Variants in C12orf42 observed in about 807,000 individuals in gnomAD.
C12orf42 encodes the protein uncharacterized protein C12orf42.
Under a neutral mutation model 21.6 loss-of-function variants are expected in C12orf42, and 25 were observed. The ratio of observed to expected loss-of-function variants is 1.16; its 90% CI spans 0.84 to 1.62. The LOEUF is 1.62. C12orf42 is among the 40% of genes most tolerant of loss of function. The pLI is 0.00. For missense variants in C12orf42, 483 were observed against 459.3 expected, an observed-to-expected ratio of 1.05 and a Z score of -0.47; for synonymous variants, 174 against 175.0, an observed-to-expected ratio of 0.99 and a Z score of 0.05.
chr12:103,136,848 G>T, the C12orf42 span, among the ~76,000 whole-genome samples: 1 of 152,098 alleles, frequency 6.6e-6, no homozygotes, highest in Non-Finnish European at 1.5e-5. Flanking sequence ...TGATAAAACT[G>T]AACCCCTATC....
intron 1 of C12orf42, among the ~76,000 whole-genome samples, chr12:103,490,763 C>T (rs139541623): frequency 6.5e-4 from 98 of 151,726 alleles, no homozygotes; most frequent in African/African-American, 2.2e-3. Context: ...AAGTATCTAT[C>T]TCTTTCTAAT....
chr12:103,460,028 AG>A (rs1268006580), intron 2 of C12orf42, among the ~76,000 whole-genome samples: 1 of 152,144 alleles, frequency 6.6e-6, no homozygotes, highest in Non-Finnish European at 1.5e-5. Context: ...CTTTCTGAAA[AG>A]TTCAGTCCAA....
At chr12:103,533,019 C>A in the C12orf42 span, among the ~76,000 whole-genome samples, 1 of 152,172 alleles carries the variant, frequency 6.6e-6, no homozygotes, top group Non-Finnish European at 1.5e-5. Flanking sequence ...ACGGTTCAGT[C>A]CTTGACAGAA....
At chr12:103,358,617 A>G (rs1307854198) in intron 4 of C12orf42, among the ~76,000 whole-genome samples, 3 of 151,546 alleles carry the variant, frequency 2.0e-5, no homozygotes, top group Non-Finnish European at 4.4e-5. Context: ...AAACCAAAAA[A>G]AAAAACAAAA....
At chr12:103,527,505 C>G in the C12orf42 span, among the ~76,000 whole-genome samples, 1 of 152,158 alleles carries the variant, frequency 6.6e-6, no homozygotes, top group Non-Finnish European at 1.5e-5. Context: ...TGGAGTTTCC[C>G]TCATTCTGAC....
At chr12:103,210,782 G>A in the C12orf42 span, among the ~76,000 whole-genome samples, 1 of 151,474 alleles carries the variant, frequency 6.6e-6, no homozygotes, top group Non-Finnish European at 1.5e-5. Flanking sequence ...TATTAGTAGT[G>A]AAGAAGAAAA....
chr12:103,204,338 T>C, the C12orf42 span, among the ~76,000 whole-genome samples: 1 of 152,190 alleles, frequency 6.6e-6, no homozygotes, highest in Non-Finnish European at 1.5e-5. Flanking sequence ...TTTTCATTTT[T>C]CCAGCTTGTA....
At chr12:103,090,333 G>T in the C12orf42 span, among the ~76,000 whole-genome samples, 1 of 152,122 alleles carries the variant, frequency 6.6e-6, no homozygotes, top group Admixed American at 6.5e-5. Flanking sequence ...AGTCACCACC[G>T]AATTAAATGC....
chr12:103,232,480 G>T, the C12orf42 span, among the ~76,000 whole-genome samples: 2 of 152,096 alleles, frequency 1.3e-5, no homozygotes, highest in Non-Finnish European at 1.5e-5. Context: ...AGGCCGAGGC[G>T]GGCGGATCAT....
chr12:103,194,620 A>G, the C12orf42 span, among the ~76,000 whole-genome samples: 1 of 152,142 alleles, frequency 6.6e-6, no homozygotes, highest in Non-Finnish European at 1.5e-5. Flanking sequence ...GAAAAGGTGG[A>G]AAACATCTAT....
At chr12:103,499,219 G>A (rs763558080), upstream of C12orf42, among the ~76,000 whole-genome samples, 2 of 152,150 alleles carry the variant, frequency 1.3e-5, no homozygotes, top group South Asian at 4.2e-4. Context: ...TAATAGTGCT[G>A]TATTACATAC....
chr12:103,369,609 G>A (rs2045007785), intron 3 of C12orf42, among the ~76,000 whole-genome samples: 1 of 151,602 alleles, frequency 6.6e-6, no homozygotes, highest in South Asian at 2.1e-4. Context: ...GGGGAGAGGA[G>A]GCTCTTAAAT....
In C12orf42 at chr12:103,339,971, G is replaced by A. The variant is rs535397715; in HGVS notation, c.259+28916C>T. On this transcript the variant is annotated intron_variant, in intron 4 of 5. Transcript: ENST00000548883. Reference sequence around the variant, plus strand: ...AACAGCTGCTACAAAAAAAATTAGCGTGTCAGTCTAAAAGCACAGTGAACC... The same window carrying A: ...AACAGCTGCTACAAAAAAAATTAGCATGTCAGTCTAAAAGCACAGTGAACC... Among the ~76,000 whole-genome samples the A allele has an allele frequency of 1.2e-4, 18 of 152,278 alleles. No individual in the cohort carries two copies. The East Asian group carries it at 1.5e-3, about 13-fold the overall frequency.
chr12:103,482,401 T>G (rs537273999), intron 1 of C12orf42, among the ~76,000 whole-genome samples: 85 of 152,296 alleles, frequency 5.6e-4, no homozygotes, highest in African/African-American at 1.9e-3. Flanking sequence ...ATTATTTCTG[T>G]TGTAAAGATC....
At chr12:103,382,938 C>T (rs923929857) in intron 3 of C12orf42, among the ~76,000 whole-genome samples, 1 of 152,138 alleles carries the variant, frequency 6.6e-6, no homozygotes. Flanking sequence ...AACAAACCAA[C>T]CTGGCATGGC....
At chr12:103,316,188 G>C (rs1349008323) in intron 4 of C12orf42, among the ~76,000 whole-genome samples, 2 of 148,340 alleles carry the variant, frequency 1.3e-5, no homozygotes, top group Non-Finnish European at 3.0e-5. Context: ...GATATAAATA[G>C]TATATATACA....
intron 10 of C12orf42, among the ~76,000 whole-genome samples, chr12:103,238,865 G>T (rs1275094801): frequency 6.6e-6 from 1 of 152,176 alleles, no homozygotes; most frequent in Non-Finnish European, 1.5e-5. Context: ...GTAGTAGCCA[G>T]TTCTATAAGC....
At chr12:103,143,441 G>T in the C12orf42 span, among the ~76,000 whole-genome samples, 24 of 152,190 alleles carry the variant, frequency 1.6e-4, no homozygotes, top group African/African-American at 5.8e-4. Flanking sequence ...CTTTGCTCAG[G>T]TCATACCTCA....
At chr12:103,113,417 G>T in the C12orf42 span, among the ~76,000 whole-genome samples, 3 of 151,870 alleles carry the variant, frequency 2.0e-5, no homozygotes, top group African/African-American at 7.3e-5. Flanking sequence ...TCTCTCAACC[G>T]ATATTAAGTT....
Sources: allele counts gnomAD v4.1 joint callset (sites outside exome capture counted in the v4.1 genomes callset), GRCh38; gene constraint gnomAD v4.1.1; transcripts MANE v1.5; gene names NCBI Gene and HGNC (gene_info 2026-07-23, HGNC 2026-07-21).